The following PAK1 variants were observed in gnomAD, a reference collection of about 807,000 sequenced individuals.
PAK1 encodes the protein serine/threonine-protein kinase PAK 1.
Under a neutral mutation model 67.4 loss-of-function variants are expected in PAK1, and 29 were observed. The ratio of observed to expected loss-of-function variants is 0.43; its 90% CI spans 0.32 to 0.59. The LOEUF is 0.59. Among genes scored for constraint, PAK1 ranks in the 20% least tolerant of loss-of-function variants. PAK1 has a pLI of 0.07. For synonymous variants in PAK1, 223 were observed against 237.4 expected (o/e 0.94, Z 0.56); for missense variants, 337 against 670.7 (o/e 0.50, Z 5.50).
chr11:77,436,002 T>A (rs1459716653), intron 1 of PAK1, among the ~76,000 whole-genome samples: 4 of 152,204 alleles, frequency 2.6e-5, no homozygotes, highest in Non-Finnish European at 5.9e-5. Context: ...ACATAGGCAC[T>A]CAGAGTGCAG....
intron 14 of PAK1, among the ~76,000 whole-genome samples, chr11:77,324,750 T>TACAC (rs142981945): frequency 0.19 from 26,871 of 140,570 alleles, 3,037 homozygotes; most frequent in Non-Finnish European, 0.26. Context: ...TATATATGTA[T>TACAC]ACACACACAC....
At chr11:77,409,474 A>G (rs1178906290) in intron 1 of PAK1, among the ~76,000 whole-genome samples, 1 of 152,186 alleles carries the variant, frequency 6.6e-6, no homozygotes, top group African/African-American at 2.4e-5. Context: ...AAGCAAATCA[A>G]TATATGAAAG....
chr11:77,348,251 C>T (rs1278912745), intron 9 of PAK1, among the ~76,000 whole-genome samples: 1 of 152,160 alleles, frequency 6.6e-6, no homozygotes, highest in Non-Finnish European at 1.5e-5. Context: ...TTATTGTGTA[C>T]TGGTACTCTT....
At chr11:77,503,024 T>A in the PAK1 span, among the ~76,000 whole-genome samples, 4 of 151,932 alleles carry the variant, frequency 2.6e-5, no homozygotes, top group Admixed American at 2.6e-4. Context: ...TGATGTGAGG[T>A]TGGAGATGAT....
intron 8 of PAK1, 59 bp from the exon 9 acceptor site, chr11:77,349,346 T>C: frequency 1.5e-6 from 2 of 1,338,128 alleles, no homozygotes; most frequent in Non-Finnish European, 1.1e-6. Flanking sequence ...TAAAGTGATA[T>C]TTGTCAAATG....
At chr11:77,479,602 C>CTTT (rs34649009), upstream of PAK1, among the ~76,000 whole-genome samples, 36 of 80,534 alleles carry the variant, frequency 4.5e-4, no homozygotes, top group Non-Finnish European at 5.4e-4. Flanking sequence ...GAAAAATAAA[C>CTTT]TTTTTTTTTT....
At chr11:77,361,564 C>A (rs1946793255) in intron 5 of PAK1, among the ~76,000 whole-genome samples, 1 of 150,018 alleles carries the variant, frequency 6.7e-6, no homozygotes, top group Non-Finnish European at 1.5e-5. Context: ...GTAATCTATA[C>A]ATTTTTTTTC....
At chr11:77,392,890 T>C (rs190064064) in intron 1 of PAK1, among the ~76,000 whole-genome samples, 2 of 152,214 alleles carry the variant, frequency 1.3e-5, no homozygotes, top group Non-Finnish European at 2.9e-5. Flanking sequence ...TTCTTCAACC[T>C]CTTAGGTTTC....
intron 1 of PAK1, among the ~76,000 whole-genome samples, chr11:77,421,541 A>C (rs1276887006): frequency 2.6e-5 from 4 of 152,222 alleles, no homozygotes; most frequent in African/African-American, 9.6e-5. Context: ...TGCTCCACAA[A>C]GGCAAAGACT....
At chr11:77,456,866 C>T (rs1201279509) in intron 1 of PAK1, among the ~76,000 whole-genome samples, 1 of 152,072 alleles carries the variant, frequency 6.6e-6, no homozygotes, top group Admixed American at 6.5e-5. Context: ...CTCAGCCTCT[C>T]GAGTACCTGG....
chr11:77,335,726 T>C (rs1461877086), intron 13 of PAK1, among the ~76,000 whole-genome samples: 2 of 152,200 alleles, frequency 1.3e-5, no homozygotes, highest in Admixed American at 1.3e-4. Flanking sequence ...AAATAACTTA[T>C]AAGAGAGAAC....
chr11:77,378,947 T>C (rs906245136), intron 4 of PAK1, among the ~76,000 whole-genome samples: 3 of 152,172 alleles, frequency 2.0e-5, no homozygotes, highest in Admixed American at 6.5e-5. Flanking sequence ...AGAAATGAAG[T>C]GACTGGTAGA....
the PAK1 span, among the ~76,000 whole-genome samples, chr11:77,505,176 G>C: frequency 4.7e-5 from 7 of 149,760 alleles, no homozygotes; most frequent in Middle Eastern, 3.4e-3. Flanking sequence ...TGCAACCATT[G>C]CTACTATTTT....
At chr11:77,343,792 C>T (rs777612402) in intron 10 of PAK1, 27 bp downstream of exon 10, 1 of 1,364,096 alleles carries the variant, frequency 7.3e-7, no homozygotes, top group South Asian at 1.2e-5. Context: ...AGGCCCTTTC[C>T]CTCTGATGGG....
intron 5 of PAK1, among the ~76,000 whole-genome samples, chr11:77,371,221 T>C (rs764127396): frequency 1.4e-4 from 22 of 152,296 alleles, no homozygotes; most frequent in Non-Finnish European, 2.8e-4. Flanking sequence ...TAACAGAATT[T>C]AGAGCTAAAA....
the PAK1 span, among the ~76,000 whole-genome samples, chr11:77,494,951 CAG>C: frequency 2.6e-5 from 4 of 151,872 alleles, no homozygotes; most frequent in Admixed American, 2.6e-4. Context: ...ATCACAAGGT[CAG>C]GGGTTCGAGA....
Position 77,343,891 on chromosome 11 carries a change from T to C in PAK1, c.926A>G (p.Lys309Arg). 6.2e-7 allele frequency: 1 copy of C among 1,613,438 alleles called. No homozygotes were observed. The highest frequency in any genetic ancestry group is 8.5e-7 in the Non-Finnish European group (1 of 1,179,374). Residue 309 changes from lysine (K) to arginine (R), a missense_variant, in exon 10 of 15, where the codon AAA becomes AGA. Physicochemically the swap from Lys to Arg is conservative, Grantham distance 26 (BLOSUM62 2). Transcript: ENST00000356341. The stretch of plus-strand genomic sequence containing the variant: ...CAGGATCTCATTAATAATCAGCTCT[T>C]TCTTGGGCTGCTGCTGAAGATTCAT... ...KQMNLQQQPKKELIINEILVM... is the reference protein window; with the variant it reads ...KQMNLQQQPKRELIINEILVM...
chr11:77,450,942 A>T (rs976096359), intron 1 of PAK1, among the ~76,000 whole-genome samples: 1 of 149,176 alleles, frequency 6.7e-6, no homozygotes, highest in Non-Finnish European at 1.5e-5. Context: ...TTTAGAATGG[A>T]AATCTGACTA....
intron 1 of PAK1, among the ~76,000 whole-genome samples, chr11:77,456,479 A>G (rs112512141): frequency 0.032 from 4,861 of 152,264 alleles, 131 homozygotes; most frequent in African/African-American, 0.074. Flanking sequence ...GAGGACAACA[A>G]AGAAGCAAGC....
Sources: allele counts gnomAD v4.1 joint callset (sites outside exome capture counted in the v4.1 genomes callset), GRCh38; gene constraint gnomAD v4.1.1; transcripts MANE v1.5; gene names NCBI Gene and HGNC (gene_info 2026-07-23, HGNC 2026-07-21).